The following SHISA5 variants were observed in gnomAD, a reference collection of about 807,000 sequenced individuals.
The protein encoded by SHISA5 is protein shisa-5.
SHISA5 carries 21 observed loss-of-function variants against 27.5 expected under a neutral mutation model. That is an observed-to-expected ratio of 0.76 (90% CI 0.54 to 1.10). The LOEUF (loss-of-function observed/expected upper bound fraction) is 1.10, where lower values mean the gene tolerates loss of function less well. SHISA5 is among the 50% of genes least tolerant of loss of function. The probability of loss-of-function intolerance (pLI) is 0.00; values close to 1 mark genes in which losing one functional copy is unlikely to be tolerated. For missense variants in SHISA5, 314 were observed against 336.3 expected (o/e 0.93, Z 0.52); for synonymous variants, 137 against 142.2 (o/e 0.96, Z 0.26).
At chr3:48,475,275 A>G (rs2107306416) in intron 3 of SHISA5, among the ~76,000 whole-genome samples, 1 of 152,304 alleles carries the variant, frequency 6.6e-6, no homozygotes, top group Non-Finnish European at 1.5e-5. Context: ...ACGTGGCTAC[A>G]GTACCAATGG....
Position 48,469,991 on chromosome 3 carries a change from A to T in SHISA5, c.315-148T>A. The T allele has an allele frequency of 9.7e-7, 1 of 1,029,950 alleles. No homozygotes were observed. Among genetic ancestry groups the T allele is most frequent in the Non-Finnish European group, 1.4e-6 (1 of 709,868 alleles). The allele number at this position is 1,029,950 out of a possible 1,614,324, so 63.8% of individuals were successfully genotyped here. ...TGTCGGGTGGCCTGCACCTGTTTCA[A>T]TCTGTTTCCTCTTGTGTAAACTGGG... On this transcript the variant is annotated intron_variant, in intron 3 of 5. Transcript: ENST00000296444. The surrounding 1 kb of genome is among the most constrained non-coding windows in gnomAD (Gnocchi z 4.6).
chr3:48,477,190 G>A, intron 3 of SHISA5: 2 of 400,872 alleles, frequency 5.0e-6, no homozygotes, highest in South Asian at 3.7e-5. Flanking sequence ...TGCCTCCTGG[G>A]TTCAAGTGAT....
Position 48,469,322 on chromosome 3 carries a change from G to A in SHISA5, c.643+39C>T, listed in dbSNP as rs372198195. The A allele has an allele frequency of 8.9e-6, 14 of 1,567,178 alleles. No individual in the cohort carries two copies. The highest frequency in any genetic ancestry group is 1.8e-5 in the Admixed American group (1 of 56,398). Reference sequence around the variant, plus strand: ...GCCCGAGGGATGCTGGCAGAGACTCGGGAAGTCGGGCAGGGCTAGAGTTGG... The same window carrying A: ...GCCCGAGGGATGCTGGCAGAGACTCAGGAAGTCGGGCAGGGCTAGAGTTGG... On this transcript the variant is annotated intron_variant, in intron 5 of 5. Transcript: ENST00000296444. The surrounding 1 kb of genome is among the most constrained non-coding windows in gnomAD (Gnocchi z 4.6).
intron 2 of SHISA5, among the ~76,000 whole-genome samples, chr3:48,493,205 G>C (rs1397878153): frequency 6.8e-6 from 1 of 147,348 alleles, no homozygotes; most frequent in African/African-American, 2.7e-5. Context: ...AAGGTGGGCT[G>C]ATCACTTGAG....
intron 2 of SHISA5, among the ~76,000 whole-genome samples, chr3:48,485,575 C>A (rs1023175205): frequency 7.2e-6 from 1 of 138,096 alleles, no homozygotes; most frequent in African/African-American, 2.7e-5. Context: ...AATATATATT[C>A]TATATTTAAT....
At chr3:48,475,825 G>C (rs922101208) in intron 3 of SHISA5, among the ~76,000 whole-genome samples, 1 of 152,220 alleles carries the variant, frequency 6.6e-6, no homozygotes, top group African/African-American at 2.4e-5. Context: ...ACTATCTGGG[G>C]AGTGAATAAG....
At position 48,473,927 on chromosome 3, in the gene SHISA5, T is replaced by G. The variant is rs2040730584; in HGVS notation, c.315-4084A>C. Among the ~76,000 whole-genome samples the G allele has an allele frequency of 6.6e-6, 1 of 151,192 alleles. No homozygotes were observed. Among genetic ancestry groups the G allele is most frequent in the Admixed American group, 6.6e-5 (1 of 15,168 alleles). On this transcript the variant is annotated intron_variant, in intron 3 of 5. Coordinates refer to ENST00000296444, the MANE Select transcript of SHISA5 (RefSeq NM_016479.6). This position sits in a 1 kb window ranked among gnomAD's most constrained non-coding sequence, Gnocchi z 4.3. ...CAAAAAATACAAAAATTAGCCAGGCTTGGTGGCACGCACCTGTAATCCCAG... is the reference window on the plus strand; with the variant it reads ...CAAAAAATACAAAAATTAGCCAGGCGTGGTGGCACGCACCTGTAATCCCAG...
At chr3:48,488,828 C>T (rs1483960612) in intron 2 of SHISA5, among the ~76,000 whole-genome samples, 7 of 137,382 alleles carry the variant, frequency 5.1e-5, no homozygotes, top group African/African-American at 8.3e-5. Flanking sequence ...AGCGAAACTC[C>T]GTCTCAAAAA....
intron 1 of SHISA5, chr3:48,503,244 T>C (rs2107398702): frequency 2.6e-6 from 3 of 1,164,700 alleles, no homozygotes; most frequent in South Asian, 1.3e-5. Context: ...GCACAAATGC[T>C]CTCTGACCCC....
chr3:48,498,689 G>GAAAAAAA (rs11294310), intron 2 of SHISA5, among the ~76,000 whole-genome samples: 37 of 80,528 alleles, frequency 4.6e-4, no homozygotes, highest in African/African-American at 1.0e-3. Context: ...TCTCCAGAAA[G>GAAAAAAA]AAAAAAAAAA....
chr3:48,479,218 C>G lies in SHISA5; in HGVS notation c.273G>C (p.Ser91=), dbSNP rs369971951. ...TGTAGCCAGGGCGAAACCTCAGCGC[C>G]GAGCCCAGCTGCTCCACCGGCTCTA... ...ASVEPVEQLG[S]ALRFRPGYND... The change falls in exon 3 of 6, where the codon TCG becomes TCC. Residue 91 remains serine (S), a synonymous_variant. Transcript: ENST00000296444. 75 of 1,512,766 alleles carry G rather than the reference C, an allele frequency of 5.0e-5. No individual in the cohort carries two copies. The highest frequency in any genetic ancestry group is 3.5e-4 in the Middle Eastern group (2 of 5,726). The allele number at this position is 1,512,766 out of a possible 1,614,324, so 93.7% of individuals were successfully genotyped here.
chr3:48,473,189 GAC>G lies in SHISA5; in HGVS notation c.315-3348_315-3347del. The G allele has an allele frequency of 2.8e-6, 4 of 1,434,566 alleles. No individual in the cohort carries two copies. Among genetic ancestry groups the G allele is most frequent in the Non-Finnish European group, 3.6e-6 (4 of 1,097,606 alleles). 88.9% of individuals were successfully genotyped at this position (1,434,566 alleles called of 1,614,324 possible). A position where few individuals can be genotyped will look rare whatever the true frequency, so the allele number is the denominator to read the frequency against. On this transcript the variant is annotated intron_variant, in intron 3 of 5. Coordinates refer to ENST00000296444, the MANE Select transcript of SHISA5 (RefSeq NM_016479.6). The surrounding 1 kb of genome is among the most constrained non-coding windows in gnomAD (Gnocchi z 4.3). ...CGAAGCCCCGTTCCACCCTCTTAAA[GAC>G]ACAGGATGGCCCCGCCCAGCAGCCG...
intron 2 of SHISA5, among the ~76,000 whole-genome samples, chr3:48,497,587 C>T (rs946707403): frequency 2.0e-5 from 3 of 151,336 alleles, no homozygotes; most frequent in East Asian, 3.9e-4. Flanking sequence ...AAAAAGCAAT[C>T]GGAGGGTTAA....
Position 48,476,915 on chromosome 3 carries a change from C to T in SHISA5, c.314+2262G>A, listed in dbSNP as rs561746483. ...ACGAGGCCCAGTGCTATGCACACCACGGCGGCAGCTGGGCTAACAGAACAG... is the reference window on the plus strand; with the variant it reads ...ACGAGGCCCAGTGCTATGCACACCATGGCGGCAGCTGGGCTAACAGAACAG... On this transcript the variant is annotated intron_variant, in intron 3 of 5. Coordinates refer to ENST00000296444, the MANE Select transcript of SHISA5 (RefSeq NM_016479.6). 5.3e-5 allele frequency: 19 copies of T among 359,132 alleles called. 1 individual carries two copies. The highest frequency in any genetic ancestry group is 3.6e-4 in the South Asian group (17 of 47,690). 22.2% of individuals were successfully genotyped at this position (359,132 alleles called of 1,614,324 possible).
Position 48,469,168 on chromosome 3 carries a change from T to TAGGGCGCGGC in SHISA5, c.652_661dup (p.Tyr221CysfsTer103), listed in dbSNP as rs1226275957. 6.2e-7 allele frequency: 1 copy of TAGGGCGCGGC among 1,611,584 alleles called. No homozygotes were observed. Among genetic ancestry groups the TAGGGCGCGGC allele is most frequent in the African/African-American group, 1.3e-5 (1 of 74,756 alleles). ...GTTGTAAGGAGGCTGGCTGGCGGGG[T>TAGGGCGCGGC]AGGGCGCGGCTGCTCCTCCTGAAAG... is the stretch of plus-strand genomic sequence containing the variant. On this transcript the variant is annotated frameshift_variant, in exon 6 of 6. Transcript: ENST00000296444. LOFTEE classifies it high-confidence loss of function. The surrounding 1 kb of genome is among the most constrained non-coding windows in gnomAD (Gnocchi z 4.6).
chr3:48,503,960 C>A lies in SHISA5; in HGVS notation c.76+59G>T, dbSNP rs760969683. 2.0e-5 allele frequency: 28 copies of A among 1,432,214 alleles called. No individual in the cohort carries two copies. In the African/African-American group the frequency reaches 3.8e-4, roughly 20 times the overall value. 88.7% of individuals were successfully genotyped at this position (1,432,214 alleles called of 1,614,324 possible). On this transcript the variant is annotated intron_variant, in intron 1 of 5. Transcript: ENST00000296444. The stretch of plus-strand genomic sequence containing the variant: ...GCTGCCCGGCTCGTTGGAGAGGCAG[C>A]GCGGGGAAGTGTCTGCCCGGTCCCA...
chr3:48,492,927 T>C (rs2041474738), intron 2 of SHISA5, among the ~76,000 whole-genome samples: 2 of 147,510 alleles, frequency 1.4e-5, no homozygotes, highest in Admixed American at 1.3e-4. Flanking sequence ...GCCAGCACCC[T>C]GATCTTAAAC....
Position 48,469,520 on chromosome 3 carries a change from G to T in SHISA5, c.484C>A (p.Pro162Thr), listed in dbSNP as rs151337676. 6.9e-5 allele frequency: 112 copies of T among 1,613,744 alleles called. No individual in the cohort carries two copies. The African/African-American group carries it at 1.3e-3, about 18-fold the overall frequency. The change falls in exon 5 of 6, where the codon CCT becomes ACT. Residue 162 changes from proline to threonine, a missense_variant. Physicochemically the swap from Pro to Thr is conservative, Grantham distance 38. Transcript: ENST00000296444. This position sits in a 1 kb window ranked among gnomAD's most constrained non-coding sequence, Gnocchi z 4.6. Reference sequence around the variant, plus strand: ...GGGTAGCTGGGCGGCACACTTGGAGGCTGAGGATAAGGGGCATGCACCACA... The same window carrying T: ...GGGTAGCTGGGCGGCACACTTGGAGTCTGAGGATAAGGGGCATGCACCACA... ...TTVVHAPYPQ[P>T]PSVPPSYPGP...
Position 48,469,559 on chromosome 3 carries a change from T to C in SHISA5, c.445A>G (p.Thr149Ala). 1 of 1,608,586 alleles carries C rather than the reference T, an allele frequency of 6.2e-7. No individual in the cohort carries two copies. The highest frequency in any genetic ancestry group is 8.5e-7 in the Non-Finnish European group (1 of 1,176,320). Residue 149 changes from threonine to alanine, a missense_variant, in exon 5 of 6, where the codon ACC (threonine) becomes GCC (alanine). Physicochemically the swap from Thr to Ala is moderately conservative, Grantham distance 58 (BLOSUM62 0). Transcript: ENST00000296444. This position sits in a 1 kb window ranked among gnomAD's most constrained non-coding sequence, Gnocchi z 4.6. ...CRRPRPVVTT[T>A]TSTTVVHAPY... Reference sequence around the variant, plus strand: ...GCATGCACCACAGTGGTGGATGTGGTGGTGGTGACAACCGCTGCAAAGAGA... The same window carrying C: ...GCATGCACCACAGTGGTGGATGTGGCGGTGGTGACAACCGCTGCAAAGAGA...
Sources: allele counts gnomAD v4.1 joint callset (sites outside exome capture counted in the v4.1 genomes callset), GRCh38; gene constraint gnomAD v4.1.1; non-coding constraint Gnocchi (gnomAD v3.1); transcripts MANE v1.5; gene names NCBI Gene and HGNC (gene_info 2026-07-23, HGNC 2026-07-21).